LPP: variants seen among roughly 807,000 people sequenced by gnomAD.
The protein encoded by LPP is lipoma-preferred partner.
A neutral mutation model predicts 60.4 loss-of-function variants in LPP; 38 were observed. The ratio of observed to expected loss-of-function variants is 0.63; its 90% confidence interval spans 0.49 to 0.83. LPP has a LOEUF of 0.83. Among genes scored for constraint, LPP ranks in the 40% least tolerant of loss-of-function variants. The probability of loss-of-function intolerance (pLI) is 0.00; values close to 1 mark genes in which losing one functional copy is unlikely to be tolerated. For missense variants in LPP, 902 were observed against 783.6 expected (o/e 1.15, Z -1.80); for synonymous variants, 328 against 290.8 (o/e 1.13, Z -1.30).
At chr3:188,765,423 A>G (rs1733713002) in intron 9 of LPP, among the ~76,000 whole-genome samples, 1 of 152,050 alleles carries the variant, frequency 6.6e-6, no homozygotes. Context: ...AAATTTGTCA[A>G]GCACTCTCTT....
intron 6 of LPP, among the ~76,000 whole-genome samples, chr3:188,602,153 A>AATATATATAAT (rs1841372558): frequency 7.9e-6 from 1 of 126,364 alleles, no homozygotes; most frequent in African/African-American, 2.8e-5. Flanking sequence ...ATATATATAT[A>AATATATATAAT]ATATATATAT....
At chr3:188,487,682 TGCTCTGGCCCA>T (rs1220743233) in intron 5 of LPP, among the ~76,000 whole-genome samples, 16 of 152,202 alleles carry the variant, frequency 1.1e-4, no homozygotes, top group African/African-American at 3.6e-4. Context: ...GGCTTGGTCC[TGCTCTGGCCCA>T]GGTTTGTACC....
chr3:188,574,517 C>G (rs1834170482), intron 6 of LPP, among the ~76,000 whole-genome samples: 1 of 152,190 alleles, frequency 6.6e-6, no homozygotes, highest in Non-Finnish European at 1.5e-5. Context: ...CATCTTTTCT[C>G]ACTTGATTCA....
At chr3:188,704,418 G>C (rs2149639266) in intron 7 of LPP, among the ~76,000 whole-genome samples, 1 of 152,308 alleles carries the variant, frequency 6.6e-6, no homozygotes, top group Admixed American at 6.5e-5. Flanking sequence ...AGAACCTGAA[G>C]TTATGAAAGG....
intron 4 of LPP, among the ~76,000 whole-genome samples, chr3:188,441,916 C>T (rs1238732916): frequency 6.6e-6 from 1 of 151,956 alleles, no homozygotes; most frequent in Non-Finnish European, 1.5e-5. Flanking sequence ...AGCCACCGCG[C>T]CCGGCCGCAA....
chr3:188,637,993 A>G lies in LPP; in HGVS notation c.1113+28149A>G, dbSNP rs557023841. The stretch of plus-strand genomic sequence containing the variant: ...TATTCCAATCAATAGAAAAAGAGGG[A>G]ATCCTCCCTAACTCATTTTATGAGG... On this transcript the variant is annotated intron_variant, in intron 7 of 11. Coordinates refer to ENST00000617246, the MANE Select transcript of LPP (RefSeq NM_001375462.1). Among the ~76,000 whole-genome samples, 190 of 150,514 alleles carry G rather than the reference A, an allele frequency of 1.3e-3. 1 individual carries two copies. The highest frequency in any genetic ancestry group is 4.5e-3 in the African/African-American group (185 of 41,188).
At chr3:188,675,453 T>A (rs904259219) in intron 7 of LPP, among the ~76,000 whole-genome samples, 1 of 152,226 alleles carries the variant, frequency 6.6e-6, no homozygotes, top group African/African-American at 2.4e-5. Flanking sequence ...AGACTGTGAA[T>A]AGCTCCTAGC....
chr3:188,748,656 G>A (rs766369184), intron 8 of LPP, among the ~76,000 whole-genome samples: 20 of 152,102 alleles, frequency 1.3e-4, no homozygotes, highest in South Asian at 2.1e-4. Flanking sequence ...GGTGACGTGC[G>A]CCTGTAATCC....
At chr3:188,843,658 G>A (rs1315233406) in intron 9 of LPP, among the ~76,000 whole-genome samples, 1 of 144,828 alleles carries the variant, frequency 6.9e-6, no homozygotes, top group Non-Finnish European at 1.5e-5. Context: ...GCAGTGGGGG[G>A]CGCCTGTAGT....
chr3:188,833,998 G>A (rs1262901034), intron 9 of LPP, among the ~76,000 whole-genome samples: 9 of 151,778 alleles, frequency 5.9e-5, no homozygotes, highest in African/African-American at 1.5e-4. Flanking sequence ...TGCCTGCTTC[G>A]GGAAGAACAA....
At chr3:188,316,802 G>A (rs930918725) in intron 2 of LPP, among the ~76,000 whole-genome samples, 6 of 152,220 alleles carry the variant, frequency 3.9e-5, no homozygotes, top group Non-Finnish European at 7.3e-5. Context: ...GTTGCTGAGT[G>A]AATTAGAACT....
At chr3:188,417,951 G>T (rs1027578793) in intron 4 of LPP, among the ~76,000 whole-genome samples, 1 of 152,106 alleles carries the variant, frequency 6.6e-6, no homozygotes, top group Non-Finnish European at 1.5e-5. Context: ...ACACGTTGGG[G>T]TAATCCTGAG....
chr3:188,309,025 T>C (rs200280222), intron 2 of LPP, among the ~76,000 whole-genome samples: 943 of 62,318 alleles, frequency 0.015, 3 homozygotes, highest in African/African-American at 0.095. Context: ...TCTTCTTCTT[T>C]TTTTTTTTTT....
chr3:188,293,155 C>T (rs1746595264), intron 2 of LPP, among the ~76,000 whole-genome samples: 1 of 152,140 alleles, frequency 6.6e-6, no homozygotes, highest in African/African-American at 2.4e-5. Flanking sequence ...GAGGACTGGT[C>T]TCATATCTTA....
intron 4 of LPP, among the ~76,000 whole-genome samples, chr3:188,475,523 ACC>A (rs1320027942): frequency 6.6e-6 from 1 of 152,158 alleles, no homozygotes; most frequent in African/African-American, 2.4e-5. Flanking sequence ...GCTGTAGACA[ACC>A]CCTGTTAACA....
chr3:188,753,727 C>T (rs1002290841), intron 8 of LPP, among the ~76,000 whole-genome samples: 1 of 151,798 alleles, frequency 6.6e-6, no homozygotes, highest in African/African-American at 2.4e-5. Flanking sequence ...ACCACTCATC[C>T]TAGTGGCAGT....
intron 1 of LPP, chr3:188,179,668 C>T (rs1724334766): frequency 2.7e-6 from 1 of 364,682 alleles, no homozygotes; most frequent in Non-Finnish European, 5.4e-6. Context: ...CAGCAAGCCT[C>T]TCTGCAGTCT....
rs563460212 is a variant in LPP, at chr3:188,443,221, C to G, written c.193+36908C>G. Reference sequence around the variant, plus strand: ...TCAGACTGGGGCTCTATTAAGTGTTCATTGACCACAATCTACAACAACAAA... The same window carrying G: ...TCAGACTGGGGCTCTATTAAGTGTTGATTGACCACAATCTACAACAACAAA... On this transcript the variant is annotated intron_variant, in intron 4 of 11. Coordinates refer to ENST00000617246, the MANE Select transcript of LPP (RefSeq NM_001375462.1). Among the ~76,000 whole-genome samples the G allele has an allele frequency of 6.6e-5, 10 of 152,330 alleles. No homozygotes were observed. In the East Asian group the frequency reaches 1.7e-3, roughly 26 times the overall value.
intron 3 of LPP, among the ~76,000 whole-genome samples, chr3:188,350,210 G>C (rs1185721253): frequency 6.6e-6 from 1 of 152,142 alleles, no homozygotes; most frequent in East Asian, 1.9e-4. Flanking sequence ...GGAGCTGGCG[G>C]GTCTGTGGAG....
Sources: allele counts gnomAD v4.1 joint callset (sites outside exome capture counted in the v4.1 genomes callset), GRCh38; gene constraint gnomAD v4.1.1; transcripts MANE v1.5; gene names NCBI Gene and HGNC (gene_info 2026-07-23, HGNC 2026-07-21).